EYA2: variants seen among roughly 807,000 people sequenced by gnomAD.
EYA2 encodes EYA transcriptional coactivator and phosphatase 2.
A neutral mutation model predicts 69.2 loss-of-function variants in EYA2; 31 were observed. That is an observed-to-expected ratio of 0.45 (90% CI 0.34 to 0.60). EYA2 has a LOEUF of 0.60. Among genes scored for constraint, EYA2 ranks in the 20% least tolerant of loss-of-function variants. The pLI is 0.02. For synonymous variants in EYA2, 257 were observed against 279.4 expected, an observed-to-expected ratio of 0.92 and a Z score of 0.80; for missense variants, 622 against 701.2, an observed-to-expected ratio of 0.89 and a Z score of 1.28.
chr20:46,959,822 G>T (rs182025937), intron 1 of EYA2, among the ~76,000 whole-genome samples: 1 of 152,116 alleles, frequency 6.6e-6, no homozygotes, highest in Admixed American at 6.5e-5. Context: ...AAGCATCCCT[G>T]TCATTGTCCT....
chr20:47,135,838 A>AAAAAAAAG (rs2033455914), intron 9 of EYA2, among the ~76,000 whole-genome samples: 1 of 81,748 alleles, frequency 1.2e-5, no homozygotes, highest in Non-Finnish European at 2.2e-5. Context: ...AAAAAAAAAA[A>AAAAAAAAG]AAACAAACAA....
chr20:47,002,836 T>C (rs1982465571), intron 3 of EYA2, among the ~76,000 whole-genome samples: 1 of 152,192 alleles, frequency 6.6e-6, no homozygotes, highest in South Asian at 2.1e-4. Context: ...GGCTGACATC[T>C]CCAGCTCAAA....
At chr20:47,141,091 C>A (rs553558930) in intron 9 of EYA2, among the ~76,000 whole-genome samples, 5 of 152,158 alleles carry the variant, frequency 3.3e-5, no homozygotes, top group South Asian at 2.1e-4. Context: ...AATTTCAACA[C>A]GAGTTGTGAC....
chr20:47,125,247 G>A (rs1269133422), intron 9 of EYA2, among the ~76,000 whole-genome samples: 12 of 151,768 alleles, frequency 7.9e-5, no homozygotes, highest in Admixed American at 7.9e-4. Flanking sequence ...AGTAGAGATG[G>A]GGTTTCACTG....
chr20:47,165,363 G>C (rs2034160632), intron 10 of EYA2, among the ~76,000 whole-genome samples: 1 of 152,230 alleles, frequency 6.6e-6, no homozygotes, highest in Non-Finnish European at 1.5e-5. Flanking sequence ...GGTGTAACCA[G>C]ATGTCTGCTG....
At position 46,943,872 on chromosome 20, in the gene EYA2, T is replaced by G. The variant is rs528997729; in HGVS notation, c.-10-46129T>G. Among the ~76,000 whole-genome samples the G allele has an allele frequency of 4.6e-5, 7 of 152,348 alleles. No homozygotes were observed. In the East Asian group the frequency reaches 1.3e-3, roughly 29 times the overall value. ...AACTTCTCTGTGGCTTGAAACCCTT[T>G]GCACACTTGTATCTTTTCCTGCGCT... On this transcript the variant is annotated intron_variant, in intron 1 of 15. Transcript: ENST00000327619.
At chr20:46,984,822 T>A (rs1204753604) in intron 1 of EYA2, among the ~76,000 whole-genome samples, 3 of 152,206 alleles carry the variant, frequency 2.0e-5, no homozygotes, top group Non-Finnish European at 4.4e-5. Flanking sequence ...AGATGTTCAT[T>A]GCAGCATTGT....
At chr20:47,121,412 G>A (rs908267127) in intron 9 of EYA2, among the ~76,000 whole-genome samples, 4 of 152,092 alleles carry the variant, frequency 2.6e-5, no homozygotes, top group Admixed American at 1.3e-4. Context: ...TGTTTTCGTA[G>A]GGGTAGTTAT....
At chr20:46,963,042 C>T (rs1336157873) in intron 1 of EYA2, among the ~76,000 whole-genome samples, 13 of 152,214 alleles carry the variant, frequency 8.5e-5, no homozygotes, top group African/African-American at 1.2e-4. Flanking sequence ...GGGATGACGG[C>T]AAGTGGCGTT....
intron 1 of EYA2, among the ~76,000 whole-genome samples, chr20:46,914,682 G>C (rs1448174672): frequency 6.6e-6 from 1 of 152,186 alleles, no homozygotes; most frequent in East Asian, 1.9e-4. Context: ...TCTCCACCTA[G>C]TCCCTCCCAC....
intron 9 of EYA2, among the ~76,000 whole-genome samples, chr20:47,101,648 A>G (rs922517637): frequency 6.6e-6 from 1 of 152,248 alleles, no homozygotes; most frequent in African/African-American, 2.4e-5. Flanking sequence ...AATTAAATAG[A>G]AAACTGATGA....
intron 10 of EYA2, among the ~76,000 whole-genome samples, chr20:47,159,260 C>T (rs1192871706): frequency 1.3e-5 from 2 of 151,966 alleles, no homozygotes; most frequent in Non-Finnish European, 2.9e-5. Context: ...ATAATATTTA[C>T]CCTTGATGTG....
chr20:47,146,672 C>T (rs1199777780), intron 10 of EYA2, among the ~76,000 whole-genome samples: 2 of 152,240 alleles, frequency 1.3e-5, no homozygotes, highest in Non-Finnish European at 2.9e-5. Flanking sequence ...CAGCCTTCTG[C>T]AGCTGCCCAG....
intron 12 of EYA2, among the ~76,000 whole-genome samples, chr20:47,178,113 A>G (rs986409620): frequency 2.0e-5 from 3 of 152,200 alleles, no homozygotes; most frequent in Non-Finnish European, 2.9e-5. Flanking sequence ...GGATTGCTTG[A>G]GGCCAGGAGT....
At chr20:46,974,190 T>G (rs1362060579) in intron 1 of EYA2, among the ~76,000 whole-genome samples, 1 of 152,206 alleles carries the variant, frequency 6.6e-6, no homozygotes, top group Non-Finnish European at 1.5e-5. Flanking sequence ...TCATAGACAG[T>G]GCTTAGTCTA....
intron 1 of EYA2, among the ~76,000 whole-genome samples, chr20:46,942,360 A>G (rs1204160585): frequency 6.6e-6 from 1 of 151,928 alleles, no homozygotes; most frequent in Admixed American, 6.6e-5. Flanking sequence ...AGTGTGCACC[A>G]CCACCCCTAG....
intron 1 of EYA2, among the ~76,000 whole-genome samples, chr20:46,940,033 A>C (rs140355329): frequency 6.6e-6 from 1 of 152,186 alleles, no homozygotes; most frequent in East Asian, 1.9e-4. Flanking sequence ...TGAAAAACCT[A>C]CTACGTGCGA....
intron 9 of EYA2, among the ~76,000 whole-genome samples, chr20:47,123,580 A>C (rs1410517035): frequency 6.6e-6 from 1 of 152,208 alleles, no homozygotes; most frequent in Non-Finnish European, 1.5e-5. Flanking sequence ...CCACTCCACA[A>C]GTCAGTCAAT....
At chr20:47,187,046 C>T (rs2034656468) in intron 15 of EYA2, among the ~76,000 whole-genome samples, 1 of 140,494 alleles carries the variant, frequency 7.1e-6, no homozygotes, top group African/African-American at 2.8e-5. Context: ...ACTGAGACTC[C>T]ATCTCTAAAA....
Sources: allele counts gnomAD v4.1 joint callset (sites outside exome capture counted in the v4.1 genomes callset), GRCh38; gene constraint gnomAD v4.1.1; transcripts MANE v1.5; gene names NCBI Gene and HGNC (gene_info 2026-07-23, HGNC 2026-07-21).